GCSAML: variants seen among roughly 807,000 people sequenced by gnomAD.
The protein encoded by GCSAML is germinal center-associated signaling and motility-like protein.
In GCSAML, 9 loss-of-function variants were observed where a neutral mutation model predicts 13.0. That is an observed-to-expected ratio of 0.69 (90% confidence interval 0.42 to 1.21). The LOEUF (loss-of-function observed/expected upper bound fraction) is 1.21. Among genes scored for constraint, GCSAML ranks in the 50% most tolerant of loss-of-function variants. GCSAML has a pLI of 0.00. For missense variants in GCSAML, 143 were observed against 153.4 expected, an observed-to-expected ratio of 0.93 and a Z score of 0.36; for synonymous variants, 37 against 52.9, an observed-to-expected ratio of 0.70 and a Z score of 1.31.
chr1:247,527,145 C>A lies in GCSAML; in HGVS notation c.-148+91C>A. 2 of 443,288 alleles carry A rather than the reference C, an allele frequency of 4.5e-6. No homozygotes were observed. Among genetic ancestry groups the A allele is most frequent in the South Asian group, 1.6e-5 (1 of 61,806 alleles). 27.5% of individuals were successfully genotyped at this position (443,288 alleles called of 1,614,324 possible). On this transcript the variant is annotated intron_variant, in intron 2 of 5. Transcript: ENST00000366489. This position sits in a 1 kb window ranked among gnomAD's most constrained non-coding sequence, Gnocchi z 4.6. Reference sequence around the variant, plus strand: ...CATTTAGGGAGCAGTTGGGTGAGCACATGACCAATCAGCCTGAGCATTTAA... The same window carrying A: ...CATTTAGGGAGCAGTTGGGTGAGCAAATGACCAATCAGCCTGAGCATTTAA...
intron 2 of GCSAML, among the ~76,000 whole-genome samples, chr1:247,536,921 T>C (rs190420262): frequency 8.7e-4 from 133 of 152,276 alleles, no homozygotes; most frequent in African/African-American, 3.2e-3. Context: ...TGAGATAATG[T>C]TTTTCTTAAT....
chr1:247,518,192 G>T (rs1333998511), intron 1 of GCSAML, among the ~76,000 whole-genome samples: 1 of 152,200 alleles, frequency 6.6e-6, no homozygotes, highest in Non-Finnish European at 1.5e-5. Context: ...CGCCGGCTCC[G>T]GGAGCTGCCA....
rs543398434 is a variant in GCSAML at position 247,561,453 on chromosome 1, C to G, written c.90-2137C>G. Among the ~76,000 whole-genome samples the G allele has an allele frequency of 5.9e-5, 9 of 152,138 alleles. No individual in the cohort carries two copies. The East Asian group carries it at 1.7e-3, about 29-fold the overall frequency. On this transcript the variant is annotated intron_variant, in intron 2 of 4. Coordinates refer to ENST00000366488, the MANE Select transcript of GCSAML (RefSeq NM_145278.5). ...GAAATATACAATAAATTATTATTAACTATAATTTTCCTCACTGTGCTATCA... is the reference window on the plus strand; with the variant it reads ...GAAATATACAATAAATTATTATTAAGTATAATTTTCCTCACTGTGCTATCA...
intron 4 of GCSAML, among the ~76,000 whole-genome samples, chr1:247,566,200 G>A (rs1668352700): frequency 6.6e-6 from 1 of 152,082 alleles, no homozygotes; most frequent in Admixed American, 6.5e-5. Flanking sequence ...TGAGTAGCAA[G>A]TTCTTACCGT....
chr1:247,508,047 GT>G lies in GCSAML; in HGVS notation c.-263+815del, dbSNP rs1665888620. The stretch of plus-strand genomic sequence containing the variant: ...ATATATCCAGTAATGGGATTGCTGG[GT>G]CAAATGGTATTTCTGGTTCTAGATC... On this transcript the variant is annotated intron_variant, in intron 1 of 5. Transcript: ENST00000366489. Among the ~76,000 whole-genome samples the G allele has an allele frequency of 2.6e-5, 4 of 152,282 alleles. No individual in the cohort carries two copies. The South Asian group carries it at 8.3e-4, about 32-fold the overall frequency.
chr1:247,528,034 T>C lies in GCSAML; in HGVS notation c.-148+980T>C, dbSNP rs144513786. The C allele has an allele frequency of 4.6e-5, 7 of 152,294 alleles. No homozygotes were observed. In the East Asian group the frequency reaches 7.7e-4, roughly 17 times the overall value. 9.4% of individuals were successfully genotyped at this position (152,294 alleles called of 1,614,324 possible). ...ATTTTATCTAATACTTTAAAAGTTA[T>C]GATTTCCCCCATTTGTTTCTGTTTC... On this transcript the variant is annotated intron_variant, in intron 2 of 5. Transcript: ENST00000366489.
rs150839400 is a variant in GCSAML, at chr1:247,532,313, G to C, written c.-148+5259G>C. The C allele has an allele frequency of 4.1e-5, 66 of 1,614,194 alleles. No individual in the cohort carries two copies. The East Asian group carries it at 1.4e-3, about 35-fold the overall frequency. ...GTGAAGCTCATGTCCAGGAAGGGGAGGTTGGCAAGAAAGAAGTACATAGGT... is the reference window on the plus strand; with the variant it reads ...GTGAAGCTCATGTCCAGGAAGGGGACGTTGGCAAGAAAGAAGTACATAGGT... On this transcript the variant is annotated intron_variant, in intron 2 of 5. Coordinates refer to the GCSAML transcript ENST00000366489.
intron 2 of GCSAML, chr1:247,532,384 T>G: frequency 6.2e-7 from 1 of 1,614,192 alleles, no homozygotes. Flanking sequence ...GATGATGCCA[T>G]TGCCCAAGAT....
At chr1:247,566,553 A>T (rs186218163) in intron 4 of GCSAML, among the ~76,000 whole-genome samples, 1 of 152,190 alleles carries the variant, frequency 6.6e-6, no homozygotes, top group African/African-American at 2.4e-5. Flanking sequence ...TATTATTTTA[A>T]TTTTCAAAGC....
rs768147215 is a variant in GCSAML at position 247,531,522 on chromosome 1, C to T, written c.-148+4468C>T. On this transcript the variant is annotated intron_variant, in intron 2 of 5. Transcript: ENST00000366489. Reference sequence around the variant, plus strand: ...TCACTTTGCTCGATGTAAACTTGATCTTCCTTCTCAGAAGGCACTGGAGTC... The same window carrying T: ...TCACTTTGCTCGATGTAAACTTGATTTTCCTTCTCAGAAGGCACTGGAGTC... 13 of 1,598,630 alleles carry T rather than the reference C, an allele frequency of 8.1e-6. No individual in the cohort carries two copies. In the African/African-American group the frequency reaches 1.3e-4, roughly 17 times the overall value.
intron 2 of GCSAML, among the ~76,000 whole-genome samples, chr1:247,558,523 C>G (rs916785703): frequency 2.6e-5 from 4 of 152,164 alleles, no homozygotes; most frequent in African/African-American, 9.6e-5. Flanking sequence ...TTCCACCACC[C>G]TCCCTTTCCC....
At chr1:247,521,309 T>C (rs1666409330) in intron 1 of GCSAML, among the ~76,000 whole-genome samples, 1 of 150,778 alleles carries the variant, frequency 6.6e-6, no homozygotes, top group African/African-American at 2.4e-5. Context: ...ACATAATGTC[T>C]CCCTCTCCCT....
intron 4 of GCSAML, among the ~76,000 whole-genome samples, chr1:247,571,818 C>T (rs756239376): frequency 1.3e-5 from 2 of 152,178 alleles, no homozygotes; most frequent in Non-Finnish European, 2.9e-5. Flanking sequence ...CCATTCTCCC[C>T]GTCACTTTCA....
intron 1 of GCSAML, among the ~76,000 whole-genome samples, chr1:247,552,512 C>T (rs1667810166): frequency 6.6e-6 from 1 of 152,152 alleles, no homozygotes; most frequent in Non-Finnish European, 1.5e-5. Context: ...CTTTCTAGCC[C>T]CTGACTAGCA....
At chr1:247,519,668 G>C (rs1174045393) in intron 1 of GCSAML, among the ~76,000 whole-genome samples, 2 of 152,244 alleles carry the variant, frequency 1.3e-5, no homozygotes, top group African/African-American at 4.8e-5. Flanking sequence ...AGAGGACTAT[G>C]CATGGTAGTG....
chr1:247,532,164 C>T (rs1220116789), intron 2 of GCSAML: 5 of 1,613,980 alleles, frequency 3.1e-6, no homozygotes, highest in Non-Finnish European at 4.2e-6. Context: ...ACATGGTGGC[C>T]AGCAGGACAC....
At position 247,521,799 on chromosome 1, in the gene GCSAML, C is replaced by G. The variant is rs530752963; in HGVS notation, c.-262-5141C>G. ...GAGATTGCAGCCTCTGCCTGGCCACCACCCCGTCTGGGAAGTGAGGAGCAT... is the reference window on the plus strand; with the variant it reads ...GAGATTGCAGCCTCTGCCTGGCCACGACCCCGTCTGGGAAGTGAGGAGCAT... On this transcript the variant is annotated intron_variant, in intron 1 of 5. Coordinates refer to the GCSAML transcript ENST00000366489. Among the ~76,000 whole-genome samples the G allele has an allele frequency of 3.9e-5, 6 of 151,956 alleles. No individual in the cohort carries two copies. The South Asian group carries it at 6.2e-4, about 16-fold the overall frequency.
chr1:247,524,979 CTGAGG>C (rs1475360456), intron 1 of GCSAML: 3 of 152,106 alleles, frequency 2.0e-5, no homozygotes, highest in East Asian at 3.8e-4. Context: ...TAAAATGATA[CTGAGG>C]TAAGATTTGC....
intron 2 of GCSAML, among the ~76,000 whole-genome samples, chr1:247,563,135 AT>A (rs1668202046): frequency 6.6e-6 from 1 of 151,902 alleles, no homozygotes; most frequent in Non-Finnish European, 1.5e-5. Context: ...GGCATAAGCC[AT>A]CCCACCCGGC....
Sources: gnomAD v4.1 joint callset for allele counts (sites outside exome capture counted in the v4.1 genomes callset) on GRCh38, gnomAD v4.1.1 for gene constraint, Gnocchi (gnomAD v3.1) non-coding constraint, MANE v1.5 for transcripts, NCBI Gene and HGNC (gene_info 2026-07-23, HGNC 2026-07-21) for gene names.